The following TRIOBP variants were observed in gnomAD, a reference collection of about 807,000 sequenced individuals.
TRIOBP encodes TRIO and F-actin binding protein, also known as TRIO and F-actin-binding protein.
Under a neutral mutation model 238.8 loss-of-function variants are expected in TRIOBP, and 169 were observed. That is an observed-to-expected ratio of 0.71 (90% CI 0.62 to 0.80). The LOEUF (loss-of-function observed/expected upper bound fraction) is 0.80. TRIOBP is among the 30% of genes least tolerant of loss of function. The pLI is 0.00. For missense variants in TRIOBP, 2,838 were observed against 3,122.6 expected (o/e 0.91, Z 2.17); for synonymous variants, 1,150 against 1,274.4 (o/e 0.90, Z 2.08).
intron 17 of TRIOBP, among the ~76,000 whole-genome samples, chr22:37,760,983 AAAG>A (rs1926215726): frequency 6.6e-6 from 1 of 151,632 alleles, no homozygotes; most frequent in Non-Finnish European, 1.5e-5. Flanking sequence ...AAAAAAAAAA[AAAG>A]AAAGAAAAGA....
rs143012274 is a variant in TRIOBP at position 37,717,374 on chromosome 22, C to T, written c.628+1440C>T. On this transcript the variant is annotated intron_variant, in intron 6 of 23. Transcript: ENST00000644935. The stretch of plus-strand genomic sequence containing the variant: ...TCCACAGCATGGAAGAGGACCCGAG[C>T]GGGTTGCCAGAGCTGGCTGGGGCAG... Among the ~76,000 whole-genome samples, 14 of 152,286 alleles carry T rather than the reference C, an allele frequency of 9.2e-5. 1 individual carries two copies. In the South Asian group the frequency reaches 1.5e-3, roughly 16 times the overall value.
At chr22:37,750,010 G>A (rs749881988) in intron 11 of TRIOBP, among the ~76,000 whole-genome samples, 3 of 152,132 alleles carry the variant, frequency 2.0e-5, no homozygotes, top group African/African-American at 4.8e-5. Context: ...GTGTCATGGC[G>A]TGCCTGACAT....
intron 7 of TRIOBP, among the ~76,000 whole-genome samples, chr22:37,733,014 A>C (rs1335510375): frequency 6.6e-6 from 1 of 152,210 alleles, no homozygotes; most frequent in Non-Finnish European, 1.5e-5. Context: ...GGAGAGGGCC[A>C]TGGCCAGGGC....
Position 37,768,093 on chromosome 22 carries a change from G to C in TRIOBP, c.6492G>C (p.Lys2164Asn). 1.2e-6 allele frequency: 2 copies of C among 1,613,174 alleles called. No homozygotes were observed. The highest frequency in any genetic ancestry group is 1.7e-6 in the Non-Finnish European group (2 of 1,179,656). ...ATASAIEAMK[K>N]AYQEELSREL... ...TTCCAGCCATTGAAGCCATGAAGAA[G>C]GCCTACCAGGAAGAGCTGAGCCGAG... Residue 2164 changes from lysine to asparagine, a missense_variant, in exon 19 of 24, where the codon AAG becomes AAC. This residue lies in a region of TRIOBP where 2,096 missense variants were observed against 2,137.4 expected (regional missense o/e 0.98). Coordinates refer to ENST00000644935, the MANE Select transcript of TRIOBP (RefSeq NM_001039141.3).
intron 4 of TRIOBP, among the ~76,000 whole-genome samples, chr22:37,712,721 C>T (rs1010682259): frequency 5.7e-4 from 86 of 151,856 alleles, no homozygotes; most frequent in Admixed American, 5.2e-4. Flanking sequence ...CTTTGGGAGT[C>T]CGAGACGGGC....
At chr22:37,703,383 A>G (rs1922760266) in intron 3 of TRIOBP, among the ~76,000 whole-genome samples, 1 of 152,034 alleles carries the variant, frequency 6.6e-6, no homozygotes, top group Admixed American at 6.6e-5. Flanking sequence ...GCCCCCATGC[A>G]TGTAAACACA....
At chr22:37,704,789 T>C (rs1048873717) in intron 3 of TRIOBP, among the ~76,000 whole-genome samples, 1 of 151,572 alleles carries the variant, frequency 6.6e-6, no homozygotes, top group African/African-American at 2.4e-5. Context: ...AGCTCACGCC[T>C]GTAATCCCAG....
rs1200611662 is a variant in TRIOBP, at chr22:37,739,790, C to G, written c.5184+1071C>G. Among the ~76,000 whole-genome samples the G allele has an allele frequency of 2.0e-5, 3 of 152,308 alleles. No homozygotes were observed. In the East Asian group the frequency reaches 5.8e-4, roughly 29 times the overall value. On this transcript the variant is annotated intron_variant, in intron 10 of 23. Transcript: ENST00000644935. ...GGACTCTGACAACTTTGCTCTTCCTCTTTCTGGGTTATTTCTTCATATCCT... is the reference window on the plus strand; with the variant it reads ...GGACTCTGACAACTTTGCTCTTCCTGTTTCTGGGTTATTTCTTCATATCCT...
At chr22:37,752,294 T>C (rs188341450) in intron 12 of TRIOBP, among the ~76,000 whole-genome samples, 1 of 152,322 alleles carries the variant, frequency 6.6e-6, no homozygotes, top group East Asian at 1.9e-4. Flanking sequence ...ATGGGCATAA[T>C]GGATAATGGT....
chr22:37,770,772 T>A (rs1342215004), intron 21 of TRIOBP, among the ~76,000 whole-genome samples: 1 of 151,252 alleles, frequency 6.6e-6, no homozygotes, highest in African/African-American at 2.4e-5. Context: ...AAGCTCCGCC[T>A]CTCGGGTTCA....
intron 11 of TRIOBP, chr22:37,750,901 C>T (rs752971969): frequency 4.2e-4 from 160 of 383,686 alleles, no homozygotes; most frequent in Non-Finnish European, 6.6e-4. Context: ...GGTGAGGCCT[C>T]GATGTAGGGG....
At chr22:37,738,397 AT>A (rs1231313549) in intron 9 of TRIOBP, among the ~76,000 whole-genome samples, 1 of 151,936 alleles carries the variant, frequency 6.6e-6, no homozygotes, top group Non-Finnish European at 1.5e-5. Context: ...TATTGGGTAA[AT>A]GGATATGTGA....
intron 5 of TRIOBP, among the ~76,000 whole-genome samples, chr22:37,714,450 C>G (rs1923414972): frequency 6.6e-6 from 1 of 152,248 alleles, no homozygotes; most frequent in South Asian, 2.1e-4. Flanking sequence ...GGGCGGATCA[C>G]CTGAAGTCAG....
Position 37,729,170 on chromosome 22 carries a change from G to A in TRIOBP, c.3947+2667G>A, listed in dbSNP as rs1040845388. On this transcript the variant is annotated intron_variant, in intron 7 of 23. Transcript: ENST00000644935. ...TGAGCTCAGGCAATCTACCCACCTC[G>A]GCCTCCCAAAGTGCTGGGATTATAG... Among the ~76,000 whole-genome samples the A allele has an allele frequency of 4.6e-5, 7 of 151,910 alleles. No homozygotes were observed. The South Asian group carries it at 6.2e-4, about 14-fold the overall frequency.
At chr22:37,741,599 G>T (rs1015688411) in intron 11 of TRIOBP, among the ~76,000 whole-genome samples, 1 of 152,196 alleles carries the variant, frequency 6.6e-6, no homozygotes, top group African/African-American at 2.4e-5. Flanking sequence ...TGGCTCATGG[G>T]GTCTCTTCTC....
At chr22:37,740,728 G>T (rs1387421671) in intron 10 of TRIOBP, among the ~76,000 whole-genome samples, 167 bp from the exon 11 acceptor site, 1 of 152,182 alleles carries the variant, frequency 6.6e-6, no homozygotes, top group East Asian at 1.9e-4. Context: ...ACGATGTAGT[G>T]TGAACAAGTT....
chr22:37,759,407 C>CT (rs1569059216), intron 17 of TRIOBP, 143 bp downstream of exon 17: 1 of 1,274,832 alleles, frequency 7.8e-7, no homozygotes, highest in East Asian at 2.3e-5. Context: ...CTCATTTACT[C>CT]TCCCCACAGC....
intron 3 of TRIOBP, among the ~76,000 whole-genome samples, chr22:37,708,247 C>CAA (rs34560689): frequency 3.5e-4 from 30 of 85,218 alleles, no homozygotes; most frequent in Middle Eastern, 5.7e-3. Flanking sequence ...CTCCGTCTCA[C>CAA]AAAAAAAAAA....
rs1924909895 is a variant in TRIOBP, at chr22:37,741,039, T to G, written c.5322+7T>G. On this transcript the variant is annotated splice_region_variant and intron_variant, in intron 11 of 23. Coordinates refer to ENST00000644935, the MANE Select transcript of TRIOBP (RefSeq NM_001039141.3). ...GGTCCTCAGGTGGCGAAGGGTAGGC[T>G]GGCTCCAGTGGGGACTGGAGGGGTG... The G allele has an allele frequency of 6.4e-7, 1 of 1,560,632 alleles. No individual in the cohort carries two copies. The highest frequency in any genetic ancestry group is 1.9e-5 in the Admixed American group (1 of 51,876).
Sources: allele counts gnomAD v4.1 joint callset (sites outside exome capture counted in the v4.1 genomes callset), GRCh38; gene constraint gnomAD v4.1.1; regional missense constraint gnomAD v4.1.1; transcripts MANE v1.5; gene names NCBI Gene and HGNC (gene_info 2026-07-23, HGNC 2026-07-21).